Variants in CELF4 observed in about 807,000 individuals in gnomAD.
CELF4 encodes the protein CUG-BP- and ETR-3-like factor 4.
CELF4 carries 18 observed loss-of-function variants against 59.9 expected under a neutral mutation model. The observed-to-expected ratio is 0.30, with a 90% CI of 0.21 to 0.45. The LOEUF (loss-of-function observed/expected upper bound fraction) is 0.45. CELF4 is among the 20% of genes least tolerant of loss of function. The probability of loss-of-function intolerance (pLI) is 1.00; values close to 1 mark genes in which losing one functional copy is unlikely to be tolerated. For synonymous variants in CELF4, 261 were observed against 267.1 expected, an observed-to-expected ratio of 0.98 and a Z score of 0.22; for missense variants, 456 against 689.0, an observed-to-expected ratio of 0.66 and a Z score of 3.79.
Position 37,539,466 on chromosome 18 carries a change from CACACAA to C in CELF4, c.286+25884_286+25889del, listed in dbSNP as rs1188691857. Among the ~76,000 whole-genome samples, 969 of 101,188 alleles carry C rather than the reference CACACAA, an allele frequency of 9.6e-3. 6 individuals are homozygous for C. Among genetic ancestry groups the C allele is most frequent in the African/African-American group, 0.035 (643 of 18,514 alleles). 66.4% of individuals were successfully genotyped at this position (101,188 alleles called of 152,430 possible). On this transcript the variant is annotated intron_variant, in intron 1 of 12. Coordinates refer to ENST00000420428, the MANE Select transcript of CELF4 (RefSeq NM_020180.4). ...CCTCTAAGACACACACACACACACA[CACACAA>C]ACACACACACACACACACACGCGTG...
At chr18:37,558,695 T>C (rs918851634) in intron 1 of CELF4, among the ~76,000 whole-genome samples, 1 of 151,842 alleles carries the variant, frequency 6.6e-6, no homozygotes, top group African/African-American at 2.4e-5. Flanking sequence ...TTTCTGCTCT[T>C]GTTATAGAGA....
At chr18:37,338,124 A>T (rs2097845967) in intron 2 of CELF4, among the ~76,000 whole-genome samples, 1 of 70,098 alleles carries the variant, frequency 1.4e-5, no homozygotes, top group African/African-American at 7.3e-5. Context: ...TGCCACCACC[A>T]CCACTGTCGC....
chr18:37,502,793 A>G (rs1309331242), intron 1 of CELF4, among the ~76,000 whole-genome samples: 1 of 152,156 alleles, frequency 6.6e-6, no homozygotes, highest in East Asian at 1.9e-4. Context: ...CCAATCAGCC[A>G]AGGCCTCGGT....
Position 37,444,447 on chromosome 18 carries a change from G to C in CELF4, c.369+41078C>G, listed in dbSNP as rs112409446. ...GGCATCATCTGTGAGTCCTTCGGGG[G>C]TGCTGGACTCCATTTATGGTGAGGT... On this transcript the variant is annotated intron_variant, in intron 2 of 12. Coordinates refer to ENST00000420428, the MANE Select transcript of CELF4 (RefSeq NM_020180.4). Among the ~76,000 whole-genome samples, 374 of 152,210 alleles carry C rather than the reference G, an allele frequency of 2.5e-3. 1 individual carries two copies. The highest frequency in any genetic ancestry group is 8.3e-3 in the African/African-American group (346 of 41,530).
chr18:37,269,587 C>T (rs531985211), intron 8 of CELF4, among the ~76,000 whole-genome samples: 3 of 152,298 alleles, frequency 2.0e-5, no homozygotes, highest in South Asian at 2.1e-4. Flanking sequence ...TGCCAATCTC[C>T]TTACCACCTC....
At chr18:37,516,632 A>G (rs2099950905) in intron 1 of CELF4, among the ~76,000 whole-genome samples, 1 of 152,204 alleles carries the variant, frequency 6.6e-6, no homozygotes, top group African/African-American at 2.4e-5. Flanking sequence ...ATTATTCCTC[A>G]AGCTGAGATG....
At position 37,313,072 on chromosome 18, in the gene CELF4, G is replaced by C. The variant is rs2096734395; in HGVS notation, c.448+8731C>G. Among the ~76,000 whole-genome samples, 3 of 152,192 alleles carry C rather than the reference G, an allele frequency of 2.0e-5. No homozygotes were observed. The South Asian group carries it at 6.2e-4, about 31-fold the overall frequency. The stretch of plus-strand genomic sequence containing the variant: ...TGGGGGTCTCCGGCTCTGAGGGGCA[G>C]ACTCCTTCTCCTTCAGTCACTGGAC... On this transcript the variant is annotated intron_variant, in intron 3 of 12. Coordinates refer to ENST00000420428, the MANE Select transcript of CELF4 (RefSeq NM_020180.4).
chr18:37,474,900 G>A (rs2099844458), intron 2 of CELF4, among the ~76,000 whole-genome samples: 1 of 152,248 alleles, frequency 6.6e-6, no homozygotes, highest in South Asian at 2.1e-4. Flanking sequence ...TCCTTTGACT[G>A]TGGAGCCCAC....
At chr18:37,398,291 C>T (rs555492648) in intron 2 of CELF4, among the ~76,000 whole-genome samples, 12 of 152,192 alleles carry the variant, frequency 7.9e-5, no homozygotes, top group South Asian at 2.1e-4. Flanking sequence ...AGTGGGCAAA[C>T]GAGGGCCAGG....
chr18:37,421,784 A>G (rs1447367783), intron 2 of CELF4, among the ~76,000 whole-genome samples: 3 of 152,226 alleles, frequency 2.0e-5, no homozygotes, highest in Non-Finnish European at 4.4e-5. Flanking sequence ...CAATTCCAGG[A>G]CAGTCACGCG....
intron 2 of CELF4, 141 bp from the exon 3 acceptor site, chr18:37,322,022 A>G (rs1480192931): frequency 1.0e-5 from 6 of 587,350 alleles, no homozygotes; most frequent in Non-Finnish European, 1.5e-5. Context: ...TGCTGCAAGC[A>G]CACACACCTT....
intron 2 of CELF4, among the ~76,000 whole-genome samples, chr18:37,400,033 A>G (rs894668592): frequency 2.0e-4 from 30 of 152,340 alleles, no homozygotes; most frequent in South Asian, 8.3e-4. Flanking sequence ...TGTAGCATGC[A>G]TCTTATTTAA....
At chr18:37,317,518 G>A (rs1028569332) in intron 3 of CELF4, among the ~76,000 whole-genome samples, 2 of 152,216 alleles carry the variant, frequency 1.3e-5, no homozygotes, top group African/African-American at 2.4e-5. Context: ...AGAGAAGGTG[G>A]TGTGCCTCAG....
rs1386197293 is a variant in CELF4 at position 37,376,661 on chromosome 18, G to C, written c.370-54780C>G. Among the ~76,000 whole-genome samples, 4 of 152,156 alleles carry C rather than the reference G, an allele frequency of 2.6e-5. No homozygotes were observed. The South Asian group carries it at 6.2e-4, about 24-fold the overall frequency. ...CTCTGGGTGAACGCAGGAATCTTGGGGTCTGGCCTCACCTTGGTGGAAAAT... is the reference window on the plus strand; with the variant it reads ...CTCTGGGTGAACGCAGGAATCTTGGCGTCTGGCCTCACCTTGGTGGAAAAT... On this transcript the variant is annotated intron_variant, in intron 2 of 12. Transcript: ENST00000420428.
At chr18:37,545,884 A>C (rs1295870595) in intron 1 of CELF4, among the ~76,000 whole-genome samples, 1 of 152,182 alleles carries the variant, frequency 6.6e-6, no homozygotes, top group Non-Finnish European at 1.5e-5. Context: ...GAATGTGAGA[A>C]GATGCCACAG....
intron 2 of CELF4, among the ~76,000 whole-genome samples, chr18:37,481,161 G>A (rs1239709019): frequency 6.6e-6 from 1 of 152,148 alleles, no homozygotes; most frequent in Non-Finnish European, 1.5e-5. Flanking sequence ...GAGTGTGTTA[G>A]TTTGCTTTGT....
intron 2 of CELF4, among the ~76,000 whole-genome samples, chr18:37,370,352 C>T (rs2098844115): frequency 6.6e-6 from 1 of 152,190 alleles, no homozygotes; most frequent in Non-Finnish European, 1.5e-5. Flanking sequence ...CTCTTCCCAC[C>T]TTGGTCTTGG....
At chr18:37,436,055 C>T (rs1403200971) in intron 2 of CELF4, among the ~76,000 whole-genome samples, 3 of 152,150 alleles carry the variant, frequency 2.0e-5, no homozygotes, top group African/African-American at 2.4e-5. Flanking sequence ...AATGACTTCA[C>T]ATTTTTGTTG....
intron 2 of CELF4, among the ~76,000 whole-genome samples, chr18:37,334,077 G>A (rs575506499): frequency 6.6e-6 from 1 of 152,278 alleles, no homozygotes; most frequent in African/African-American, 2.4e-5. Flanking sequence ...TCTGATGTGT[G>A]GCTCTTGGGT....
Sources: allele counts gnomAD v4.1 joint callset (sites outside exome capture counted in the v4.1 genomes callset), GRCh38; gene constraint gnomAD v4.1.1; transcripts MANE v1.5; gene names NCBI Gene and HGNC (gene_info 2026-07-23, HGNC 2026-07-21).